PVT1: variants seen among roughly 807,000 people sequenced by gnomAD.
The protein encoded by PVT1 is CXCR4/PVT1 fusion.
intron 4 of PVT1, among the ~76,000 whole-genome samples, chr8:128,006,131 AATAATAATAATAAT>A (rs1206247914): frequency 9.3e-5 from 13 of 139,914 alleles, no homozygotes; most frequent in African/African-American, 1.6e-4. Flanking sequence ...TAATAATAAT[AATAATAATAATAAT>A]AATAAAAAGA....
intron 3 of PVT1, among the ~76,000 whole-genome samples, chr8:127,965,691 G>A (rs189810234): frequency 8.5e-4 from 130 of 152,324 alleles, no homozygotes; most frequent in African/African-American, 2.2e-3. Flanking sequence ...TCCCTGCACC[G>A]CCTGCTGCCT....
At chr8:127,940,807 G>A (rs542287203) in intron 3 of PVT1, among the ~76,000 whole-genome samples, 86 of 152,250 alleles carry the variant, frequency 5.6e-4, no homozygotes, top group Admixed American at 1.3e-3. Flanking sequence ...TCACTATCTT[G>A]CCCAGGCAGG....
chr8:127,952,598 ACC>A (rs1816517997), intron 3 of PVT1, among the ~76,000 whole-genome samples: 1 of 152,204 alleles, frequency 6.6e-6, no homozygotes, highest in South Asian at 2.1e-4. Context: ...TGTTTTGGGT[ACC>A]TATTTTGTGC....
At chr8:127,853,079 C>T (rs963756953) in intron 2 of PVT1, among the ~76,000 whole-genome samples, 2 of 152,180 alleles carry the variant, frequency 1.3e-5, no homozygotes, top group Admixed American at 1.3e-4. Context: ...ACAAGATCAG[C>T]TGTGGGTGGA....
chr8:128,017,376 C>G (rs564522938), intron 4 of PVT1, among the ~76,000 whole-genome samples: 1 of 152,246 alleles, frequency 6.6e-6, no homozygotes, highest in South Asian at 2.1e-4. Context: ...TTCTGCTGCC[C>G]GGTTCCTGAG....
intron 3 of PVT1, among the ~76,000 whole-genome samples, chr8:127,978,952 G>A (rs905727340): frequency 2.0e-5 from 3 of 152,196 alleles, no homozygotes; most frequent in Admixed American, 2.0e-4. Flanking sequence ...ATGTTGCCCA[G>A]GCTGATCTCA....
chr8:128,041,304 CTCA>C, intron 4 of PVT1, among the ~76,000 whole-genome samples: 1 of 85,974 alleles, frequency 1.2e-5, no homozygotes, highest in East Asian at 6.5e-4. Context: ...TTGTGTTGTG[CTCA>C]TGTTTGTGCA....
chr8:127,916,747 C>A (rs1815990917), intron 3 of PVT1, among the ~76,000 whole-genome samples: 1 of 152,170 alleles, frequency 6.6e-6, no homozygotes, highest in South Asian at 2.1e-4. Flanking sequence ...TGGGCCATCA[C>A]CTTAAGCTTG....
chr8:128,072,605 C>T (rs992482644), intron 5 of PVT1, among the ~76,000 whole-genome samples: 1 of 152,054 alleles, frequency 6.6e-6, no homozygotes. Context: ...TTTTAGTCAC[C>T]GCGAGGCTCA....
At chr8:127,929,685 G>A (rs564430328) in intron 3 of PVT1, among the ~76,000 whole-genome samples, 3 of 151,978 alleles carry the variant, frequency 2.0e-5, no homozygotes, top group African/African-American at 2.4e-5. Flanking sequence ...GGAGAATGGC[G>A]TGAACCCGGG....
At chr8:128,100,099 CTCCCTCCCTCCCAACCTTCCTCCCTCCA>C (rs1563686884) in intron 6 of PVT1, among the ~76,000 whole-genome samples, 3 of 148,160 alleles carry the variant, frequency 2.0e-5, no homozygotes, top group Non-Finnish European at 3.0e-5. Flanking sequence ...TTCTCCTTCC[CTCCCTCCCTCCCAACCTTCCTCCCTCCA>C]TCCCTCCCTC....
intron 3 of PVT1, among the ~76,000 whole-genome samples, chr8:127,933,830 C>T (rs1480690566): frequency 6.6e-6 from 1 of 152,168 alleles, no homozygotes; most frequent in African/African-American, 2.4e-5. Flanking sequence ...AGATGAGCAA[C>T]CTTAGGAAAG....
chr8:128,098,169 C>G (rs1198443653), intron 6 of PVT1, among the ~76,000 whole-genome samples: 1 of 152,082 alleles, frequency 6.6e-6, no homozygotes, highest in African/African-American at 2.4e-5. Context: ...AGTGTGCAGC[C>G]TTGGGAACAG....
intron 2 of PVT1, chr8:127,854,729 G>A (rs1380351253): frequency 1.3e-5 from 2 of 154,222 alleles, no homozygotes; most frequent in African/African-American, 2.4e-5. Flanking sequence ...CGGGAGGAGA[G>A]GGCTGGGTCG....
intron 6 of PVT1, among the ~76,000 whole-genome samples, chr8:128,100,151 C>T (rs1299172990): frequency 1.7e-5 from 1 of 57,632 alleles, no homozygotes; most frequent in African/African-American, 7.6e-5. Context: ...TCCTTCCTTC[C>T]TTCCTTCCTT....
chr8:127,959,619 GC>G (rs1816614966), intron 3 of PVT1, among the ~76,000 whole-genome samples: 2 of 147,436 alleles, frequency 1.4e-5, no homozygotes, highest in African/African-American at 4.9e-5. Context: ...AAGACCCAGT[GC>G]CTACCCTTAA....
intron 4 of PVT1, among the ~76,000 whole-genome samples, chr8:128,013,657 G>T (rs1290295044): frequency 2.6e-5 from 4 of 152,144 alleles, no homozygotes; most frequent in Non-Finnish European, 5.9e-5. Context: ...AGAACAAATG[G>T]TCCTTATTCG....
intron 3 of PVT1, among the ~76,000 whole-genome samples, chr8:127,975,867 A>G (rs1369035287): frequency 1.3e-5 from 2 of 152,014 alleles, no homozygotes; most frequent in Non-Finnish European, 2.9e-5. Context: ...GTGTTTCTAG[A>G]TGGTTTTTTC....
intron 4 of PVT1, among the ~76,000 whole-genome samples, chr8:128,050,763 A>G (rs1162262703): frequency 6.6e-6 from 1 of 152,306 alleles, no homozygotes; most frequent in Non-Finnish European, 1.5e-5. Flanking sequence ...AAAGGCTCCT[A>G]CTGGGGCTTG....
Sources: gnomAD v4.1 joint callset for allele counts (sites outside exome capture counted in the v4.1 genomes callset) on GRCh38, gnomAD v4.1.1 for gene constraint, MANE v1.5 for transcripts, NCBI Gene and HGNC (gene_info 2026-07-23, HGNC 2026-07-21) for gene names.